CWC22: variants seen among roughly 807,000 people sequenced by gnomAD.
CWC22 encodes the protein CWC22 spliceosome associated protein, also known as pre-mRNA-splicing factor CWC22 homolog.
A neutral mutation model predicts 117.2 loss-of-function variants in CWC22; 53 were observed. That is an observed-to-expected ratio of 0.45 (90% CI 0.36 to 0.57). CWC22 has a LOEUF of 0.57. Among genes scored for constraint, CWC22 ranks in the 20% least tolerant of loss-of-function variants. The pLI is 0.00. For synonymous variants in CWC22, 360 were observed against 355.6 expected (o/e 1.01, Z -0.14); for missense variants, 980 against 1,068.8 (o/e 0.92, Z 1.16).
Position 179,970,737 on chromosome 2 carries a change from G to C in CWC22, c.1060C>G (p.Leu354Val). The change falls in exon 10 of 20, where the codon CTA becomes GTA. Residue 354 changes from leucine (L) to valine (V), a missense_variant. By Grantham distance (32) the Leu-to-Val change is conservative (BLOSUM62 1). Transcript: ENST00000410053. ...KDGFKDHPII[L>V]EGLDLVEEDD... Reference sequence around the variant, plus strand: ...TCTTCCACCAAATCAAGACCTTCTAGGATAATGGGGTGGTCCTTGAATCCA... The same window carrying C: ...TCTTCCACCAAATCAAGACCTTCTACGATAATGGGGTGGTCCTTGAATCCA... 2 of 1,613,684 alleles carry C rather than the reference G, an allele frequency of 1.2e-6. No individual in the cohort carries two copies. The highest frequency in any genetic ancestry group is 1.7e-6 in the Non-Finnish European group (2 of 1,179,724).
intron 19 of CWC22, among the ~76,000 whole-genome samples, chr2:179,947,583 CTG>C (rs1274296412): frequency 1.3e-5 from 2 of 152,184 alleles, no homozygotes; most frequent in East Asian, 1.9e-4. Context: ...GCAATTCATG[CTG>C]TGTTATCATC....
intron 5 of CWC22, among the ~76,000 whole-genome samples, chr2:179,980,269 A>T (rs573082763): frequency 6.6e-6 from 1 of 152,280 alleles, no homozygotes; most frequent in South Asian, 2.1e-4. Context: ...TAACACTTCA[A>T]ATATCACTGC....
At chr2:180,002,681 AC>A (rs1401884476) in intron 1 of CWC22, among the ~76,000 whole-genome samples, 1 of 152,234 alleles carries the variant, frequency 6.6e-6, no homozygotes. Context: ...AACAAGTGTT[AC>A]TGGAAAAGAG....
At chr2:179,991,030 TGTAA>T (rs1687552808) in intron 2 of CWC22, among the ~76,000 whole-genome samples, 1 of 152,232 alleles carries the variant, frequency 6.6e-6, no homozygotes, top group Admixed American at 6.5e-5. Context: ...GAGTTTAGAT[TGTAA>T]GTCAGTGCAG....
intron 8 of CWC22, among the ~76,000 whole-genome samples, chr2:179,972,272 A>G (rs1170755929): frequency 1.3e-5 from 2 of 152,200 alleles, no homozygotes; most frequent in African/African-American, 4.8e-5. Flanking sequence ...ATTGGAAATG[A>G]TAATATATAT....
intron 19 of CWC22, among the ~76,000 whole-genome samples, chr2:179,948,266 C>T (rs967806818): frequency 1.3e-5 from 2 of 151,554 alleles, no homozygotes; most frequent in South Asian, 2.1e-4. Flanking sequence ...GATAAATAAC[C>T]GTGAGTCTAT....
intron 13 of CWC22, 29 bp from the exon 14 acceptor site, chr2:179,959,111 G>C (rs1280298917): frequency 7.1e-7 from 1 of 1,400,054 alleles, no homozygotes; most frequent in Non-Finnish European, 9.9e-7. Context: ...TAGGTTAAAA[G>C]CTTGCAACAT....
chr2:179,996,260 C>T (rs1226747124), intron 1 of CWC22, among the ~76,000 whole-genome samples: 1 of 151,990 alleles, frequency 6.6e-6, no homozygotes, highest in Non-Finnish European at 1.5e-5. Context: ...TGATCCAGAT[C>T]CTGGAATTAG....
chr2:179,997,117 T>C (rs1222353711), intron 1 of CWC22, among the ~76,000 whole-genome samples: 1 of 152,128 alleles, frequency 6.6e-6, no homozygotes, highest in Non-Finnish European at 1.5e-5. Flanking sequence ...AAAATACATA[T>C]GACTCTTTAC....
At chr2:179,989,733 C>A (rs1309345670) in intron 2 of CWC22, among the ~76,000 whole-genome samples, 2 of 152,052 alleles carry the variant, frequency 1.3e-5, no homozygotes, top group Admixed American at 6.6e-5. Context: ...ATGTTTACCT[C>A]TGTATATAGG....
At chr2:179,985,962 T>A (rs1687409234) in intron 4 of CWC22, among the ~76,000 whole-genome samples, 1 of 151,986 alleles carries the variant, frequency 6.6e-6, no homozygotes, top group Non-Finnish European at 1.5e-5. Flanking sequence ...GAAAAAGAAT[T>A]GAAAATAAAT....
chr2:180,001,372 C>G (rs1050088929), intron 1 of CWC22, among the ~76,000 whole-genome samples: 4 of 151,390 alleles, frequency 2.6e-5, no homozygotes, highest in Non-Finnish European at 5.9e-5. Context: ...GTCACCCAGG[C>G]TGGAGCGCAG....
At chr2:179,958,504 T>C (rs2105514704) in intron 14 of CWC22, among the ~76,000 whole-genome samples, 1 of 152,046 alleles carries the variant, frequency 6.6e-6, no homozygotes, top group South Asian at 2.1e-4. Flanking sequence ...CAGCTTTGAA[T>C]GAGGCCCAAC....
intron 18 of CWC22, 46 bp from the exon 19 acceptor site, chr2:179,950,778 T>C (rs754470969): frequency 6.2e-7 from 1 of 1,601,420 alleles, no homozygotes; most frequent in Non-Finnish European, 8.6e-7. Flanking sequence ...AAGACAATTA[T>C]GAGATAATTT....
At chr2:179,994,144 T>C (rs1156652943) in intron 1 of CWC22, among the ~76,000 whole-genome samples, 2 of 152,182 alleles carry the variant, frequency 1.3e-5, no homozygotes, top group African/African-American at 4.8e-5. Context: ...GATACTTATG[T>C]TCACAAAGAA....
At chr2:179,974,419 A>G (rs1687106691) in intron 6 of CWC22, among the ~76,000 whole-genome samples, 1 of 152,240 alleles carries the variant, frequency 6.6e-6, no homozygotes. Flanking sequence ...TCATGTTTCT[A>G]TATGCATTTG....
At chr2:179,948,295 CTAAA>C (rs71029838) in intron 19 of CWC22, among the ~76,000 whole-genome samples, 21,994 of 151,570 alleles carry the variant, frequency 0.15, 1,945 homozygotes, top group Admixed American at 0.29. Context: ...TTACAGTTGA[CTAAA>C]TAAATAAATG....
intron 4 of CWC22, among the ~76,000 whole-genome samples, chr2:179,982,429 A>T (rs1363559100): frequency 6.6e-6 from 1 of 152,184 alleles, no homozygotes; most frequent in South Asian, 2.1e-4. Context: ...GGAATCATTA[A>T]AAGTTTCTCA....
At chr2:179,949,779 T>C (rs1686400120) in intron 19 of CWC22, among the ~76,000 whole-genome samples, 2 of 152,192 alleles carry the variant, frequency 1.3e-5, no homozygotes, top group Admixed American at 1.3e-4. Flanking sequence ...GCAAAAATGA[T>C]AAATATATAT....
Sources: gnomAD v4.1 joint callset for allele counts (sites outside exome capture counted in the v4.1 genomes callset) on GRCh38, gnomAD v4.1.1 for gene constraint, MANE v1.5 for transcripts, NCBI Gene and HGNC (gene_info 2026-07-23, HGNC 2026-07-21) for gene names.